The following GFPT1 variants were observed in gnomAD, a reference collection of about 807,000 sequenced individuals.
GFPT1 encodes the protein glutamine--fructose-6-phosphate transaminase 1.
A neutral mutation model predicts 92.0 loss-of-function variants in GFPT1; 40 were observed. That is an observed-to-expected ratio of 0.43 (90% CI 0.34 to 0.57). The LOEUF is 0.57. Ranked by LOEUF, GFPT1 falls within the 20% of genes least tolerant of loss-of-function variation. The probability of loss-of-function intolerance (pLI) is 0.02; values close to 1 mark genes in which losing one functional copy is unlikely to be tolerated. For synonymous variants in GFPT1, 269 were observed against 280.6 expected, an observed-to-expected ratio of 0.96 and a Z score of 0.41; for missense variants, 448 against 869.1, an observed-to-expected ratio of 0.52 and a Z score of 6.09.
At chr2:69,342,408 GTAAAT>G (rs1244988435) in intron 12 of GFPT1, among the ~76,000 whole-genome samples, 159 bp from the exon 13 acceptor site, 35 of 152,196 alleles carry the variant, frequency 2.3e-4, no homozygotes, top group African/African-American at 7.5e-4. Flanking sequence ...ATTTTGAAAA[GTAAAT>G]TAAATAAGTC....
intron 12 of GFPT1, among the ~76,000 whole-genome samples, chr2:69,345,121 T>C (rs1181124803): frequency 6.6e-6 from 1 of 152,128 alleles, no homozygotes; most frequent in Non-Finnish European, 1.5e-5. Flanking sequence ...ATTCCTCTGG[T>C]GGTACATGCC....
At chr2:69,363,352 A>C (rs1021833031) in intron 4 of GFPT1, among the ~76,000 whole-genome samples, 193 bp downstream of exon 4, 1 of 151,786 alleles carries the variant, frequency 6.6e-6, no homozygotes, top group East Asian at 1.9e-4. Flanking sequence ...AATCCTCCCA[A>C]CTCAGGCTCC....
intron 3 of GFPT1, among the ~76,000 whole-genome samples, chr2:69,366,428 T>C (rs1671613119): frequency 6.6e-6 from 1 of 152,194 alleles, no homozygotes; most frequent in African/African-American, 2.4e-5. Context: ...ATCTTAAGTC[T>C]AGATTAACCC....
intron 15 of GFPT1, among the ~76,000 whole-genome samples, chr2:69,332,597 G>A (rs945959879): frequency 3.3e-5 from 5 of 151,870 alleles, no homozygotes; most frequent in African/African-American, 4.8e-5. Context: ...GAGCCACCAC[G>A]CCCGGCCTCT....
At chr2:69,332,547 T>G (rs1670690732) in intron 15 of GFPT1, among the ~76,000 whole-genome samples, 1 of 151,934 alleles carries the variant, frequency 6.6e-6, no homozygotes, top group Admixed American at 6.6e-5. Context: ...TGAACTCCTG[T>G]CCTCAAGTGA....
chr2:69,366,697 C>G (rs1671619241), intron 3 of GFPT1, among the ~76,000 whole-genome samples: 1 of 152,204 alleles, frequency 6.6e-6, no homozygotes, highest in Admixed American at 6.5e-5. Flanking sequence ...TTTGTCCTCT[C>G]ACCTGGTAAT....
At chr2:69,350,905 CAAAA>C (rs796406578) in intron 9 of GFPT1, among the ~76,000 whole-genome samples, 2 of 78,384 alleles carry the variant, frequency 2.6e-5, no homozygotes, top group Admixed American at 1.4e-4. Flanking sequence ...AACTCTGTCT[CAAAA>C]AAAAAAAAAA....
At chr2:69,336,339 C>CAAAAAA (rs61141681) in intron 15 of GFPT1, among the ~76,000 whole-genome samples, 7 of 97,894 alleles carry the variant, frequency 7.2e-5, no homozygotes, top group Non-Finnish European at 1.2e-4. Context: ...AGTCTGTCTC[C>CAAAAAA]AAAAAAAAAA....
At chr2:69,347,434 G>A (rs1014092246) in intron 11 of GFPT1, among the ~76,000 whole-genome samples, 1 of 151,010 alleles carries the variant, frequency 6.6e-6, no homozygotes, top group African/African-American at 2.4e-5. Context: ...GTTAACAGAA[G>A]CAAATATTAC....
intron 17 of GFPT1, among the ~76,000 whole-genome samples, chr2:69,328,750 G>C (rs1032250792): frequency 6.7e-6 from 1 of 148,394 alleles, no homozygotes; most frequent in East Asian, 2.0e-4. Flanking sequence ...GCCCAGGCTG[G>C]AGTACAGTGG....
intron 11 of GFPT1, among the ~76,000 whole-genome samples, chr2:69,347,897 T>A (rs1055448872): frequency 6.6e-6 from 1 of 152,240 alleles, no homozygotes; most frequent in Non-Finnish European, 1.5e-5. Context: ...GAACATTAAC[T>A]ATTTTTATGT....
chr2:69,360,637 A>C (rs1671449357), intron 4 of GFPT1, among the ~76,000 whole-genome samples: 1 of 151,948 alleles, frequency 6.6e-6, no homozygotes, highest in African/African-American at 2.4e-5. Flanking sequence ...GAGTCTCGCT[A>C]TGTTGCCCAG....
chr2:69,326,838 A>C, intron 19 of GFPT1, 76 bp downstream of exon 19: 4 of 1,415,910 alleles, frequency 2.8e-6, no homozygotes, highest in African/African-American at 1.4e-5. Flanking sequence ...CTATTGTTAA[A>C]AATTTAGGAG....
At chr2:69,360,313 A>G (rs1280578208) in intron 4 of GFPT1, among the ~76,000 whole-genome samples, 1 of 136,686 alleles carries the variant, frequency 7.3e-6, no homozygotes, top group East Asian at 2.3e-4. Context: ...TGGGCAACAG[A>G]GTGAGATTCT....
intron 15 of GFPT1, 70 bp from the exon 16 acceptor site, chr2:69,329,868 A>G: frequency 1.2e-6 from 1 of 846,352 alleles, no homozygotes; most frequent in South Asian, 1.3e-5. Context: ...TTTTAATTTT[A>G]AAAAGCTGAA....
chr2:69,384,785 G>A (rs1245487086), intron 1 of GFPT1, among the ~76,000 whole-genome samples: 2 of 148,104 alleles, frequency 1.4e-5, no homozygotes, highest in African/African-American at 5.0e-5. Flanking sequence ...GAAAAAGAAA[G>A]AAAGAAAGAA....
intron 12 of GFPT1, among the ~76,000 whole-genome samples, chr2:69,345,627 C>T (rs1012046241): frequency 1.3e-5 from 2 of 152,198 alleles, no homozygotes; most frequent in Non-Finnish European, 2.9e-5. Context: ...ACAACTGAAA[C>T]TCTGTACCCT....
chr2:69,363,826 CT>C (rs1460666374), intron 3 of GFPT1, among the ~76,000 whole-genome samples, 156 bp from the exon 4 acceptor site: 6 of 152,082 alleles, frequency 3.9e-5, no homozygotes, highest in African/African-American at 1.2e-4. Flanking sequence ...GATTAAAAGA[CT>C]TAGGAGGCAG....
intron 13 of GFPT1, among the ~76,000 whole-genome samples, chr2:69,340,143 T>A: frequency 9.8e-5 from 2 of 20,352 alleles, no homozygotes; most frequent in African/African-American, 1.4e-3. Context: ...GGGGCAACTT[T>A]TTTTTTTTTT....
Sources: gnomAD v4.1 joint callset for allele counts (sites outside exome capture counted in the v4.1 genomes callset) on GRCh38, gnomAD v4.1.1 for gene constraint, MANE v1.5 for transcripts, NCBI Gene and HGNC (gene_info 2026-07-23, HGNC 2026-07-21) for gene names.